Variants in PCDH15 observed in about 807,000 individuals in gnomAD.
PCDH15 encodes protocadherin-15.
In PCDH15, 129 loss-of-function variants were observed where a neutral mutation model predicts 178.5. The ratio of observed to expected loss-of-function variants is 0.72; its 90% CI spans 0.63 to 0.84. PCDH15 has a LOEUF of 0.84. PCDH15 is among the 40% of genes least tolerant of loss of function. PCDH15 has a pLI of 0.00. For missense variants in PCDH15, 2,230 were observed against 2,099.9 expected (o/e 1.06, Z -1.21); for synonymous variants, 800 against 732.0 (o/e 1.09, Z -1.50).
At chr10:55,217,129 T>G (rs1840727509) in intron 1 of PCDH15, among the ~76,000 whole-genome samples, 2 of 151,872 alleles carry the variant, frequency 1.3e-5, no homozygotes, top group Non-Finnish European at 2.9e-5. Context: ...GAATGAACAT[T>G]GGTAACTGAG....
chr10:54,295,429 G>A (rs1436563287), intron 8 of PCDH15, among the ~76,000 whole-genome samples: 2 of 152,182 alleles, frequency 1.3e-5, no homozygotes, highest in African/African-American at 2.4e-5. Flanking sequence ...CCCCTTCCAT[G>A]CTGTGGAAGT....
At chr10:55,582,629 T>TATATATATATA (rs1491243304) in intron 2 of PCDH15, among the ~76,000 whole-genome samples, 45 of 64,734 alleles carry the variant, frequency 7.0e-4, no homozygotes, top group African/African-American at 2.4e-3. Context: ...TATATATATA[T>TATATATATATA]TTTTTTTTTT....
chr10:54,011,343 T>A (rs1420587170), intron 20 of PCDH15, among the ~76,000 whole-genome samples: 1 of 152,164 alleles, frequency 6.6e-6, no homozygotes, highest in African/African-American at 2.4e-5. Flanking sequence ...AGGCTGACTG[T>A]ACTGATTAGT....
At chr10:53,969,642 A>G (rs1181811603) in intron 21 of PCDH15, among the ~76,000 whole-genome samples, 5 of 152,250 alleles carry the variant, frequency 3.3e-5, no homozygotes, top group Admixed American at 3.3e-4. Context: ...GAAGCCCATC[A>G]GACTAAAAGT....
At chr10:54,678,634 C>T (rs933641454) in intron 1 of PCDH15, among the ~76,000 whole-genome samples, 1 of 152,028 alleles carries the variant, frequency 6.6e-6, no homozygotes, top group African/African-American at 2.4e-5. Context: ...ATTTTTAATA[C>T]ATTGAATTAA....
At chr10:55,379,421 T>C (rs573394770) in intron 2 of PCDH15, among the ~76,000 whole-genome samples, 1 of 152,184 alleles carries the variant, frequency 6.6e-6, no homozygotes, top group South Asian at 2.1e-4. Context: ...ATTTAGAAAG[T>C]GATATATAAA....
At chr10:53,982,216 T>C (rs1265972814) in intron 21 of PCDH15, among the ~76,000 whole-genome samples, 4 of 152,172 alleles carry the variant, frequency 2.6e-5, no homozygotes, top group Non-Finnish European at 5.9e-5. Context: ...TTTTACACTG[T>C]TGGTGGGAGT....
intron 2 of PCDH15, among the ~76,000 whole-genome samples, chr10:55,467,395 A>C (rs1296302809): frequency 1.4e-5 from 2 of 143,662 alleles, no homozygotes; most frequent in South Asian, 2.2e-4. Flanking sequence ...TTTTTTTTTA[A>C]CTAGGGCATT....
intron 7 of PCDH15, among the ~76,000 whole-genome samples, chr10:54,320,637 A>G (rs1363330086): frequency 2.0e-5 from 3 of 152,032 alleles, no homozygotes; most frequent in Non-Finnish European, 4.4e-5. Flanking sequence ...CTGATCTTTT[A>G]TTTAATTGGG....
At chr10:55,181,281 T>A (rs1839639830) in intron 1 of PCDH15, among the ~76,000 whole-genome samples, 1 of 152,140 alleles carries the variant, frequency 6.6e-6, no homozygotes, top group East Asian at 1.9e-4. Context: ...AAGTGAAAAA[T>A]TTTTAAGTAT....
intron 8 of PCDH15, among the ~76,000 whole-genome samples, chr10:54,260,556 T>C (rs941581366): frequency 6.6e-6 from 1 of 152,092 alleles, no homozygotes; most frequent in Non-Finnish European, 1.5e-5. Flanking sequence ...GTGGAAGCCA[T>C]CTCTGTGTTG....
At position 54,597,304 on chromosome 10, in the gene PCDH15, C is replaced by A. The variant is rs373894691; in HGVS notation, c.91+66868G>T. Among the ~76,000 whole-genome samples, 12 of 152,174 alleles carry A rather than the reference C, an allele frequency of 7.9e-5. No individual in the cohort carries two copies. In the East Asian group the frequency reaches 1.9e-3, roughly 24 times the overall value. On this transcript the variant is annotated intron_variant, in intron 2 of 37. Transcript: ENST00000644397. ...TGAAGAACAAGAAAATCAGTCAAAA[C>A]CATACAATCACATGGAATTTAACAA...
intron 2 of PCDH15, among the ~76,000 whole-genome samples, chr10:55,565,611 G>A (rs1309781875): frequency 6.6e-6 from 1 of 151,478 alleles, no homozygotes; most frequent in Non-Finnish European, 1.5e-5. Context: ...GACGGACTAA[G>A]AGAAAAAGAA....
chr10:54,954,849 AC>A (rs1838440285), intron 2 of PCDH15, among the ~76,000 whole-genome samples: 1 of 151,294 alleles, frequency 6.6e-6, no homozygotes, highest in Non-Finnish European at 1.5e-5. Context: ...GTTCCTTGAC[AC>A]AATCTTTAGA....
chr10:54,617,880 G>A (rs1447119762), intron 2 of PCDH15, among the ~76,000 whole-genome samples: 2 of 149,078 alleles, frequency 1.3e-5, no homozygotes, highest in Non-Finnish European at 1.5e-5. Flanking sequence ...AGCTGAGATC[G>A]CCACTGCAGT....
At chr10:54,286,183 T>A (rs539921606) in intron 8 of PCDH15, among the ~76,000 whole-genome samples, 1 of 152,328 alleles carries the variant, frequency 6.6e-6, no homozygotes, top group East Asian at 1.9e-4. Context: ...TTCAAAATAC[T>A]TAGAAGAAAG....
At chr10:55,262,332 C>T (rs1281816244) in intron 1 of PCDH15, among the ~76,000 whole-genome samples, 2 of 92,936 alleles carry the variant, frequency 2.2e-5, no homozygotes, top group African/African-American at 3.6e-5. Context: ...GGCCTATGCC[C>T]ATGGATCTAG....
At chr10:54,686,068 A>G (rs1043671749) in intron 1 of PCDH15, among the ~76,000 whole-genome samples, 3 of 45,430 alleles carry the variant, frequency 6.6e-5, no homozygotes, top group East Asian at 9.0e-4. Context: ...TTGTATTTTT[A>G]GTAGAGACGG....
At chr10:54,864,611 A>G (rs767979050) in intron 3 of PCDH15, 1 of 152,190 alleles carries the variant, frequency 6.6e-6, no homozygotes, top group Non-Finnish European at 1.5e-5. Context: ...GTGAATCTGC[A>G]TCAAGGTTTT....
Sources: gnomAD v4.1 joint callset for allele counts (sites outside exome capture counted in the v4.1 genomes callset) on GRCh38, gnomAD v4.1.1 for gene constraint, MANE v1.5 for transcripts, NCBI Gene and HGNC (gene_info 2026-07-23, HGNC 2026-07-21) for gene names.